Variants in ASIP observed in about 807,000 individuals in gnomAD.
The protein encoded by ASIP is agouti signaling protein, also known as agouti-signaling protein.
ASIP carries 11 observed loss-of-function variants against 10.3 expected under a neutral mutation model. That is an observed-to-expected ratio of 1.07 (90% CI 0.68 to 1.78). ASIP has a LOEUF of 1.78. ASIP is among the 40% of genes most tolerant of loss of function. The probability of loss-of-function intolerance (pLI) is 0.00; values close to 1 mark genes in which losing one functional copy is unlikely to be tolerated. For missense variants in ASIP, 180 were observed against 169.2 expected, an observed-to-expected ratio of 1.06 and a Z score of -0.35; for synonymous variants, 70 against 70.8, an observed-to-expected ratio of 0.99 and a Z score of 0.06.
chr20:34,268,965 A>G (rs1442532310), intron 3 of ASIP, 26 bp from the exon 4 acceptor site: 37 of 1,582,438 alleles, frequency 2.3e-5, no homozygotes, highest in Non-Finnish European at 3.1e-5. Flanking sequence ...TGGCCGGCTC[A>G]TAAAGCCCCG....
Position 34,241,463 on chromosome 20 carries a change from T to C in ASIP, c.-37T>C, listed in dbSNP as rs575089635. 7 of 985,458 alleles carry C rather than the reference T, an allele frequency of 7.1e-6. No individual in the cohort carries two copies. Among genetic ancestry groups the C allele is most frequent in the East Asian group, 1.1e-4 (1 of 8,816 alleles). The allele number at this position is 985,458 out of a possible 1,614,324, so 61.0% of individuals were successfully genotyped here. A position where few individuals can be genotyped will look rare whatever the true frequency, so the allele number is the denominator to read the frequency against. On this transcript the variant is annotated 5_prime_UTR_variant, in exon 1 of 4. Transcript: ENST00000374954. ...CTGCAAGGTGAAAAAGGAAGTTCCT[T>C]GGCCTGGGCTCTTTGCGGGAAAGCA...
chr20:34,233,143 C>CT (rs755217642), intron 1 of ASIP, among the ~76,000 whole-genome samples: 6,624 of 100,308 alleles, frequency 0.066, 448 homozygotes, highest in East Asian at 0.13. Context: ...GGGACAAGAG[C>CT]TTTTTTTTTT....
At chr20:34,251,740 C>T (rs1016788773) in intron 1 of ASIP, among the ~76,000 whole-genome samples, 1 of 152,132 alleles carries the variant, frequency 6.6e-6, no homozygotes, top group Non-Finnish European at 1.5e-5. Context: ...TTGGAGGTGA[C>T]TAGGTCATGG....
At chr20:34,243,793 G>A (rs1475201157) in intron 1 of ASIP, among the ~76,000 whole-genome samples, 2 of 151,046 alleles carry the variant, frequency 1.3e-5, no homozygotes, top group South Asian at 2.1e-4. Context: ...CGCCGGGCGC[G>A]GTGGCTCACG....
chr20:34,263,191 C>T (rs1045420898), intron 3 of ASIP, among the ~76,000 whole-genome samples: 1 of 152,202 alleles, frequency 6.6e-6, no homozygotes, highest in Non-Finnish European at 1.5e-5. Flanking sequence ...TGGTGTTTCC[C>T]AAACCTCAGT....
intron 1 of ASIP, among the ~76,000 whole-genome samples, chr20:34,223,198 G>A (rs1277254013): frequency 6.6e-6 from 1 of 151,696 alleles, no homozygotes; most frequent in Non-Finnish European, 1.5e-5. Flanking sequence ...CCTCTTCCCA[G>A]CCGCCATCAC....
intron 1 of ASIP, among the ~76,000 whole-genome samples, chr20:34,254,660 T>C (rs1268823828): frequency 1.3e-5 from 2 of 152,192 alleles, no homozygotes; most frequent in Non-Finnish European, 2.9e-5. Context: ...AATATTTTCA[T>C]TATAGGGTTC....
At chr20:34,236,887 G>A (rs2035218119), upstream of ASIP, among the ~76,000 whole-genome samples, 1 of 151,942 alleles carries the variant, frequency 6.6e-6, no homozygotes, top group Non-Finnish European at 1.5e-5. Flanking sequence ...TTTGTATATG[G>A]TGTTAGGTAA....
chr20:34,235,843 AG>A (rs1223805725), intron 1 of ASIP, among the ~76,000 whole-genome samples: 10 of 38,018 alleles, frequency 2.6e-4, no homozygotes, highest in Admixed American at 5.6e-4. Context: ...GAAAGAAAGA[AG>A]GAAGGAAGGA....
intron 1 of ASIP, chr20:34,214,338 T>A: frequency 7.6e-7 from 1 of 1,311,080 alleles, no homozygotes; most frequent in South Asian, 1.2e-5. Flanking sequence ...AAACTTTTCA[T>A]ATCTAACAAC....
chr20:34,219,950 C>T (rs1196439291), intron 1 of ASIP, among the ~76,000 whole-genome samples: 2 of 152,050 alleles, frequency 1.3e-5, no homozygotes, highest in Admixed American at 6.5e-5. Flanking sequence ...ATTAGCTGGG[C>T]GTGGTGGTGG....
At chr20:34,234,645 T>C (rs1009721062) in intron 1 of ASIP, among the ~76,000 whole-genome samples, 14 of 151,906 alleles carry the variant, frequency 9.2e-5, no homozygotes, top group African/African-American at 2.9e-4. Flanking sequence ...CTACTAAAAA[T>C]ACAAAAATTC....
intron 1 of ASIP, among the ~76,000 whole-genome samples, chr20:34,218,602 T>C (rs567755750): frequency 1.1e-4 from 16 of 152,280 alleles, no homozygotes; most frequent in African/African-American, 3.6e-4. Flanking sequence ...CAGGAATTTT[T>C]CACAGTGCTG....
chr20:34,215,257 T>G, intron 1 of ASIP: 1 of 1,555,140 alleles, frequency 6.4e-7, no homozygotes. Context: ...CCAAGAGACA[T>G]AAGCCCCAAC....
At chr20:34,199,731 C>T (rs535000690) in intron 1 of ASIP, among the ~76,000 whole-genome samples, 1 of 152,176 alleles carries the variant, frequency 6.6e-6, no homozygotes, top group South Asian at 2.1e-4. Context: ...GTACATGTTG[C>T]AAATATCATC....
At chr20:34,192,512 T>TTTC (rs1055263527), upstream of ASIP, among the ~76,000 whole-genome samples, 1 of 140,428 alleles carries the variant, frequency 7.1e-6, no homozygotes, top group African/African-American at 3.0e-5. Flanking sequence ...TTTCCTTTTT[T>TTTC]TTCTTCTTCT....
At position 34,216,340 on chromosome 20, in the gene ASIP, T is replaced by C. The variant is rs867455924; in HGVS notation, c.-11+21580T>C. Among the ~76,000 whole-genome samples, 6 of 152,336 alleles carry C rather than the reference T, an allele frequency of 3.9e-5. No individual in the cohort carries two copies. The East Asian group carries it at 5.8e-4, about 15-fold the overall frequency. ...GCGGGCGCTGGCGCCAGCAGTCTCA[T>C]GGAGAGTGCGGGCGGCAGCCCGCGG... is the stretch of plus-strand genomic sequence containing the variant. On this transcript the variant is annotated intron_variant, in intron 1 of 3. Coordinates refer to the ASIP transcript ENST00000568305.
At chr20:34,200,339 G>A (rs541800718) in intron 1 of ASIP, among the ~76,000 whole-genome samples, 43 of 152,240 alleles carry the variant, frequency 2.8e-4, no homozygotes, top group African/African-American at 7.9e-4. Context: ...TTATTCTGCC[G>A]ATTAAGAAAT....
intron 1 of ASIP, among the ~76,000 whole-genome samples, chr20:34,247,111 T>C (rs1021323094): frequency 1.3e-5 from 2 of 151,880 alleles, no homozygotes; most frequent in East Asian, 3.9e-4. Context: ...ACCTGCCTCA[T>C]GCTTTCAAGT....
Sources: gnomAD v4.1 joint callset for allele counts (sites outside exome capture counted in the v4.1 genomes callset) on GRCh38, gnomAD v4.1.1 for gene constraint, MANE v1.5 for transcripts, NCBI Gene and HGNC (gene_info 2026-07-23, HGNC 2026-07-21) for gene names.